Variants in IPCEF1 observed in about 807,000 individuals in gnomAD.
The protein encoded by IPCEF1 is interactor protein for cytohesin exchange factors 1.
In IPCEF1, 31 loss-of-function variants were observed where a neutral mutation model predicts 50.9. The ratio of observed to expected loss-of-function variants is 0.61; its 90% CI spans 0.46 to 0.82. The LOEUF (loss-of-function observed/expected upper bound fraction) is 0.82, where lower values mean the gene tolerates loss of function less well. Among genes scored for constraint, IPCEF1 ranks in the 40% least tolerant of loss-of-function variants. The pLI is 0.00. For synonymous variants in IPCEF1, 181 were observed against 192.0 expected (o/e 0.94, Z 0.47); for missense variants, 458 against 514.0 (o/e 0.89, Z 1.05).
intron 10 of IPCEF1, among the ~76,000 whole-genome samples, chr6:154,193,694 C>T (rs371326268): frequency 2.6e-5 from 4 of 152,044 alleles, no homozygotes; most frequent in African/African-American, 9.7e-5. Flanking sequence ...CCCTCTACAC[C>T]GCTAGACCAC....
chr6:154,344,742 C>CT (rs1304808301), intron 1 of IPCEF1, among the ~76,000 whole-genome samples: 3 of 152,118 alleles, frequency 2.0e-5, no homozygotes, highest in Non-Finnish European at 4.4e-5. Flanking sequence ...AAACTTTGCC[C>CT]TTTTTTTCTC....
intron 11 of IPCEF1, among the ~76,000 whole-genome samples, chr6:154,162,265 C>T (rs946467861): frequency 1.3e-5 from 2 of 152,218 alleles, no homozygotes; most frequent in African/African-American, 4.8e-5. Context: ...CACTGGTACA[C>T]ATGTTTGCTG....
chr6:154,277,272 G>A (rs1198464922), intron 2 of IPCEF1, among the ~76,000 whole-genome samples: 1 of 152,232 alleles, frequency 6.6e-6, no homozygotes, highest in Non-Finnish European at 1.5e-5. Flanking sequence ...AAGCAAGAAC[G>A]AGAGATGTCA....
chr6:154,179,601 C>T (rs1004817725), intron 10 of IPCEF1, among the ~76,000 whole-genome samples: 1 of 152,178 alleles, frequency 6.6e-6, no homozygotes, highest in African/African-American at 2.4e-5. Flanking sequence ...TTTTAGTCTT[C>T]CTACATAAAA....
intron 10 of IPCEF1, among the ~76,000 whole-genome samples, chr6:154,192,041 A>G (rs969007801): frequency 6.6e-6 from 1 of 152,222 alleles, no homozygotes; most frequent in African/African-American, 2.4e-5. Flanking sequence ...CTATAAAACA[A>G]TGAAAATGAA....
intron 1 of IPCEF1, among the ~76,000 whole-genome samples, chr6:154,339,868 A>G (rs1783871197): frequency 6.6e-6 from 1 of 152,168 alleles, no homozygotes; most frequent in Admixed American, 6.5e-5. Flanking sequence ...AAGTGCTGGG[A>G]TTACAGGCAT....
At chr6:154,182,393 CTT>C (rs2128570244) in intron 10 of IPCEF1, among the ~76,000 whole-genome samples, 1 of 152,228 alleles carries the variant, frequency 6.6e-6, no homozygotes, top group South Asian at 2.1e-4. Flanking sequence ...ATTATTGAGT[CTT>C]GAGGCAATCG....
chr6:154,276,528 C>T (rs1782067702), intron 2 of IPCEF1, among the ~76,000 whole-genome samples: 1 of 152,166 alleles, frequency 6.6e-6, no homozygotes, highest in Non-Finnish European at 1.5e-5. Flanking sequence ...TCAGTCTTCA[C>T]AGCAAGGTTG....
In IPCEF1 at chr6:154,159,512, C is replaced by T. The variant is rs1798846797; in HGVS notation, c.*316G>A. On this transcript the variant is annotated 3_prime_UTR_variant, in exon 12 of 12. Coordinates refer to ENST00000367220, the MANE Select transcript of IPCEF1 (RefSeq NM_001130700.2). ...ATTTGATTCTTGTCCATAGCATTCTCTGGAGAGCAATGAACAGAAGAGACA... is the reference window on the plus strand; with the variant it reads ...ATTTGATTCTTGTCCATAGCATTCTTTGGAGAGCAATGAACAGAAGAGACA... The T allele has an allele frequency of 3.1e-6, 1 of 327,512 alleles. No individual in the cohort carries two copies. Among genetic ancestry groups the T allele is most frequent in the South Asian group, 4.1e-5 (1 of 24,446 alleles). The allele number at this position is 327,512 out of a possible 1,614,324, so 20.3% of individuals were successfully genotyped here.
intron 1 of IPCEF1, among the ~76,000 whole-genome samples, chr6:154,341,046 G>C (rs138715041): frequency 6.6e-6 from 1 of 152,128 alleles, no homozygotes; most frequent in Non-Finnish European, 1.5e-5. Flanking sequence ...AGGCAGGAAG[G>C]CTCAAAGTGG....
At chr6:154,223,135 G>C in intron 6 of IPCEF1, 35 bp downstream of exon 6, 1 of 1,502,592 alleles carries the variant, frequency 6.7e-7, no homozygotes, top group Non-Finnish European at 9.3e-7. Flanking sequence ...TAGTATCCTG[G>C]CTCAGAGTTT....
At chr6:154,200,266 T>G (rs1333511132) in intron 9 of IPCEF1, among the ~76,000 whole-genome samples, 1 of 152,214 alleles carries the variant, frequency 6.6e-6, no homozygotes, top group Non-Finnish European at 1.5e-5. Flanking sequence ...TTCTAGGATC[T>G]GAAAAATCTC....
chr6:154,231,280 G>C (rs1414846546), intron 5 of IPCEF1, among the ~76,000 whole-genome samples: 1 of 152,234 alleles, frequency 6.6e-6, no homozygotes, highest in Non-Finnish European at 1.5e-5. Flanking sequence ...GTTCTATGGA[G>C]AAACAGTCAT....
chr6:154,267,437 T>A (rs1781784695), intron 2 of IPCEF1, among the ~76,000 whole-genome samples: 1 of 151,970 alleles, frequency 6.6e-6, no homozygotes, highest in Non-Finnish European at 1.5e-5. Flanking sequence ...GAGGTGGAGG[T>A]GTGTTGAAAA....
intron 8 of IPCEF1, among the ~76,000 whole-genome samples, chr6:154,213,830 T>C (rs900243576): frequency 2.0e-5 from 3 of 152,154 alleles, no homozygotes; most frequent in South Asian, 2.1e-4. Context: ...AGTACACACC[T>C]GGTGGAAATA....
At chr6:154,286,174 C>T (rs2128666601) in intron 2 of IPCEF1, among the ~76,000 whole-genome samples, 2 of 152,106 alleles carry the variant, frequency 1.3e-5, no homozygotes, top group Admixed American at 1.3e-4. Flanking sequence ...ATGTCTGTCA[C>T]ACACCAGGGC....
At chr6:154,258,999 G>A (rs1010852171) in intron 3 of IPCEF1, among the ~76,000 whole-genome samples, 1 of 152,174 alleles carries the variant, frequency 6.6e-6, no homozygotes, top group African/African-American at 2.4e-5. Flanking sequence ...CTATGTGCCT[G>A]GCAGATAGTG....
At chr6:154,215,254 T>C (rs1172561632) in intron 7 of IPCEF1, among the ~76,000 whole-genome samples, 1 of 152,004 alleles carries the variant, frequency 6.6e-6, no homozygotes, top group Non-Finnish European at 1.5e-5. Context: ...TTAGGAATCC[T>C]TACGCAACCC....
rs752826563 is a variant in IPCEF1 at position 154,159,914 on chromosome 6, C to G, written c.1231G>C (p.Ala411Pro). 5 of 1,613,690 alleles carry G rather than the reference C, an allele frequency of 3.1e-6. No individual in the cohort carries two copies. In the Admixed American group the frequency reaches 6.7e-5, roughly 22 times the overall value. The change falls in exon 12 of 12, where the codon GCT (alanine) becomes CCT (proline). Residue 411 changes from alanine to proline, a missense_variant. Coordinates refer to ENST00000367220, the MANE Select transcript of IPCEF1 (RefSeq NM_001130700.2). ...LIQDIYQQQR[A>P]SPAPDDTDDT... is the part of the protein sequence containing the mutation. ...TCAGTGTCATCAGGGGCAGGCGAAG[C>G]CCGCTGCTGCTGATAGATGTCCTGG...
Sources: allele counts gnomAD v4.1 joint callset (sites outside exome capture counted in the v4.1 genomes callset), GRCh38; gene constraint gnomAD v4.1.1; transcripts MANE v1.5; gene names NCBI Gene and HGNC (gene_info 2026-07-23, HGNC 2026-07-21).